The following GSAP variants were observed in gnomAD, a reference collection of about 807,000 sequenced individuals.
GSAP encodes the protein gamma-secretase-activating protein.
GSAP carries 118 observed loss-of-function variants against 131.7 expected under a neutral mutation model. That is an observed-to-expected ratio of 0.90 (90% CI 0.77 to 1.04). The LOEUF is 1.04. Among genes scored for constraint, GSAP ranks in the 50% least tolerant of loss-of-function variants. The probability of loss-of-function intolerance (pLI) is 0.00; values close to 1 mark genes in which losing one functional copy is unlikely to be tolerated. For missense variants in GSAP, 1,019 were observed against 1,013.2 expected (o/e 1.01, Z -0.08); for synonymous variants, 381 against 363.4 (o/e 1.05, Z -0.55).
In GSAP at chr7:77,376,934, T is replaced by TA. The variant is rs373036313; in HGVS notation, c.682-28dup. The TA allele has an allele frequency of 5.9e-5, 73 of 1,245,638 alleles. No individual in the cohort carries two copies. In the African/African-American group the frequency reaches 8.7e-4, roughly 15 times the overall value. The allele number at this position is 1,245,638 out of a possible 1,614,324, so 77.2% of individuals were successfully genotyped here. The stretch of plus-strand genomic sequence containing the variant: ...TAAAAGAGAAAACAGAATGGCATAT[T>TA]AAAAAACCAGGAAAAAAAGAAAAGG... On this transcript the variant is annotated intron_variant, in intron 9 of 30. Transcript: ENST00000257626.
At chr7:77,393,438 C>T (rs1214821651) in intron 5 of GSAP, among the ~76,000 whole-genome samples, 1 of 152,060 alleles carries the variant, frequency 6.6e-6, no homozygotes, top group African/African-American at 2.4e-5. Flanking sequence ...CCTTCTGACT[C>T]ATCTCCAAAC....
intron 6 of GSAP, among the ~76,000 whole-genome samples, chr7:77,384,025 G>C (rs942938905): frequency 3.3e-5 from 5 of 152,170 alleles, no homozygotes; most frequent in Non-Finnish European, 5.9e-5. Context: ...GCAGAATTCA[G>C]CTACAAAAAT....
chr7:77,413,811 GCT>G (rs1233662010), intron 1 of GSAP, among the ~76,000 whole-genome samples: 2 of 151,884 alleles, frequency 1.3e-5, no homozygotes, highest in Admixed American at 6.6e-5. Flanking sequence ...TCTTGACATT[GCT>G]CTGTTTTTAA....
At chr7:77,311,580 CTTAAAT>C (rs1460531234) in intron 30 of GSAP, 131 bp from the exon 31 acceptor site, 1 of 605,040 alleles carries the variant, frequency 1.7e-6, no homozygotes, top group Non-Finnish European at 2.9e-6. Flanking sequence ...AGAATGTGTT[CTTAAAT>C]TTAAACTTCA....
intron 19 of GSAP, among the ~76,000 whole-genome samples, chr7:77,336,947 C>T (rs1198308817): frequency 6.6e-6 from 1 of 152,178 alleles, no homozygotes; most frequent in East Asian, 1.9e-4. Context: ...GTATTTCCCA[C>T]ATAACCAACT....
chr7:77,334,120 A>T (rs1789576980), intron 19 of GSAP, among the ~76,000 whole-genome samples: 1 of 152,208 alleles, frequency 6.6e-6, no homozygotes, highest in South Asian at 2.1e-4. Context: ...AGCTACATGC[A>T]CGTGTATGTT....
At chr7:77,357,106 G>T (rs373941313) in intron 14 of GSAP, among the ~76,000 whole-genome samples, 2 of 152,350 alleles carry the variant, frequency 1.3e-5, no homozygotes, top group African/African-American at 4.8e-5. Flanking sequence ...CACTATGTCC[G>T]TGGGGTGGTG....
At chr7:77,397,297 G>T (rs370193355) in intron 4 of GSAP, 49 bp downstream of exon 4, 1 of 1,089,028 alleles carries the variant, frequency 9.2e-7, no homozygotes, top group Non-Finnish European at 1.4e-6. Context: ...TGAAACTCTT[G>T]AAAGATGTAG....
At chr7:77,328,675 T>G in intron 21 of GSAP, 38 bp from the exon 22 acceptor site, 1 of 1,308,858 alleles carries the variant, frequency 7.6e-7, no homozygotes, top group Non-Finnish European at 1.1e-6. Context: ...CAGACAGCAT[T>G]GCTTTTAAAA....
chr7:77,367,847 G>A (rs762559791), intron 12 of GSAP, among the ~76,000 whole-genome samples: 1 of 152,004 alleles, frequency 6.6e-6, no homozygotes, highest in Non-Finnish European at 1.5e-5. Flanking sequence ...TTTTTCGGTT[G>A]GTAGGTTATA....
At chr7:77,355,707 G>T in intron 14 of GSAP, 60 bp from the exon 15 acceptor site, 1 of 928,274 alleles carries the variant, frequency 1.1e-6, no homozygotes, top group Non-Finnish European at 1.8e-6. Context: ...GGTACAGAAT[G>T]TCACATTATC....
At chr7:77,351,790 G>C in intron 18 of GSAP, 1 of 895,902 alleles carries the variant, frequency 1.1e-6, no homozygotes, top group Non-Finnish European at 1.3e-6. Context: ...CTGGGAACCA[G>C]TGGTCCCAGC....
In GSAP at chr7:77,411,733, T is replaced by C. The variant is rs929700690; in HGVS notation, c.109+4480A>G. ...GCAATACAACTAAAGGAAATCCAAA[T>C]CAACTTTTTTTGTAAAATCTGACAA... On this transcript the variant is annotated intron_variant, in intron 1 of 30. Transcript: ENST00000257626. Among the ~76,000 whole-genome samples, 9 of 152,286 alleles carry C rather than the reference T, an allele frequency of 5.9e-5. 1 individual carries two copies. The highest frequency in any genetic ancestry group is 2.2e-4 in the African/African-American group (9 of 41,548).
chr7:77,326,328 AGAAG>A, intron 22 of GSAP, 55 bp from the exon 23 acceptor site: 5 of 1,164,580 alleles, frequency 4.3e-6, no homozygotes, highest in Non-Finnish European at 6.3e-6. Flanking sequence ...GAGATGGGTT[AGAAG>A]GAAGAAGAAT....
chr7:77,380,836 T>C (rs1456882089), intron 8 of GSAP, among the ~76,000 whole-genome samples: 2 of 152,238 alleles, frequency 1.3e-5, no homozygotes, highest in Non-Finnish European at 2.9e-5. Context: ...GATATGCATA[T>C]ACGTACATAT....
chr7:77,372,056 T>C (rs1305051853), intron 12 of GSAP, among the ~76,000 whole-genome samples: 1 of 152,258 alleles, frequency 6.6e-6, no homozygotes, highest in East Asian at 1.9e-4. Flanking sequence ...CAACATCACC[T>C]GTGAAGTACT....
Position 77,324,615 on chromosome 7 carries a change from T to C in GSAP, c.1828-873A>G, listed in dbSNP as rs554840716. On this transcript the variant is annotated intron_variant, in intron 23 of 30. Transcript: ENST00000257626. ...GGTACCTTAATTCAATTCAGTCTCA[T>C]GCATGTGCCAATTAATTTGGCTTTA... is the stretch of plus-strand genomic sequence containing the variant. Among the ~76,000 whole-genome samples, 23 of 152,316 alleles carry C rather than the reference T, an allele frequency of 1.5e-4. No homozygotes were observed. The East Asian group carries it at 3.7e-3, about 24-fold the overall frequency.
intron 1 of GSAP, 104 bp downstream of exon 1, chr7:77,416,109 A>C (rs1217682644): frequency 1.6e-6 from 1 of 608,808 alleles, no homozygotes; most frequent in African/African-American, 2.0e-5. Context: ...CAGCCTTCTC[A>C]GGGCGGCGAC....
intron 10 of GSAP, among the ~76,000 whole-genome samples, chr7:77,375,588 T>C (rs1346415205): frequency 6.6e-6 from 1 of 152,248 alleles, no homozygotes; most frequent in Admixed American, 6.5e-5. Flanking sequence ...CTCACGCCTA[T>C]AATTCCAGAA....
Sources: gnomAD v4.1 joint callset for allele counts (sites outside exome capture counted in the v4.1 genomes callset) on GRCh38, gnomAD v4.1.1 for gene constraint, MANE v1.5 for transcripts, NCBI Gene and HGNC (gene_info 2026-07-23, HGNC 2026-07-21) for gene names.